The following DGCR8 variants were observed in gnomAD, a reference collection of about 807,000 sequenced individuals.
The protein encoded by DGCR8 is DGCR8 microprocessor complex subunit, also known as microprocessor complex subunit DGCR8.
Under a neutral mutation model 78.5 loss-of-function variants are expected in DGCR8, and 14 were observed. The ratio of observed to expected loss-of-function variants is 0.18; its 90% CI spans 0.12 to 0.28. The LOEUF is 0.28. Among genes scored for constraint, DGCR8 ranks in the 10% least tolerant of loss-of-function variants. The pLI is 1.00. For missense variants in DGCR8, 702 were observed against 1,022.5 expected (o/e 0.69, Z 4.28); for synonymous variants, 399 against 402.4 (o/e 0.99, Z 0.10).
At chr22:20,093,035 G>T in intron 8 of DGCR8, 128 bp downstream of exon 8, 1 of 629,764 alleles carries the variant, frequency 1.6e-6, no homozygotes, top group Non-Finnish European at 2.7e-6. Flanking sequence ...TTTTATTTAT[G>T]TAATCATCTA....
chr22:20,083,374 T>G (rs1015033748), intron 1 of DGCR8, among the ~76,000 whole-genome samples: 17 of 150,846 alleles, frequency 1.1e-4, no homozygotes, highest in Non-Finnish European at 7.4e-5. Context: ...ATGGTGTGTG[T>G]GTGTGTGATG....
Position 20,111,500 on chromosome 22 carries a change from A to T in DGCR8, c.*1392A>T, listed in dbSNP as rs1407457858. The T allele has an allele frequency of 2.5e-6, 1 of 398,058 alleles. No homozygotes were observed. The allele number at this position is 398,058 out of a possible 1,614,324, so 24.7% of individuals were successfully genotyped here. On this transcript the variant is annotated 3_prime_UTR_variant, in exon 14 of 14. Coordinates refer to ENST00000351989, the MANE Select transcript of DGCR8 (RefSeq NM_022720.7). The stretch of plus-strand genomic sequence containing the variant: ...AGAAACCCTCAACTCAAATTGCTAT[A>T]ATTAGACACTTGCTTCTGTCTTGCC...
chr22:20,104,458 C>T (rs370660542), intron 9 of DGCR8, among the ~76,000 whole-genome samples: 4 of 152,146 alleles, frequency 2.6e-5, no homozygotes, highest in Non-Finnish European at 4.4e-5. Flanking sequence ...TGAGCCACCG[C>T]GCCCGGCTGG....
At chr22:20,090,377 C>A in intron 5 of DGCR8, 119 bp downstream of exon 5, 2 of 1,204,446 alleles carry the variant, frequency 1.7e-6, no homozygotes, top group Non-Finnish European at 2.3e-6. Flanking sequence ...GGGCTGTGCA[C>A]CTCCACTGTT....
chr22:20,109,926 T>C, intron 13 of DGCR8, 99 bp from the exon 14 acceptor site: 2 of 1,214,436 alleles, frequency 1.6e-6, no homozygotes, highest in Non-Finnish European at 2.4e-6. Context: ...CTCCAGGGCC[T>C]CCTGGCATGA....
chr22:20,101,923 G>A (rs2049707188), intron 9 of DGCR8: 1 of 985,344 alleles, frequency 1.0e-6, no homozygotes, highest in Non-Finnish European at 1.2e-6. Context: ...AGGTGTGGTG[G>A]CCACGCGTGT....
At chr22:20,101,764 C>T (rs1321780432) in intron 9 of DGCR8, 16 of 985,310 alleles carry the variant, frequency 1.6e-5, no homozygotes, top group Non-Finnish European at 1.8e-5. Context: ...TGTCCCCGCC[C>T]CCTGCTCCTC....
chr22:20,091,985 C>G lies in DGCR8; in HGVS notation c.1606+15C>G. 6.3e-7 allele frequency: 1 copy of G among 1,598,892 alleles called. No individual in the cohort carries two copies. Among genetic ancestry groups the G allele is most frequent in the Non-Finnish European group, 8.6e-7 (1 of 1,168,184 alleles). On this transcript the variant is annotated intron_variant, in intron 7 of 13. Transcript: ENST00000351989. ...CTTTGAATGTGGTAAGTCTAACCTT[C>G]CCCATTTCAGTCCTAAAGAATCACA...
intron 1 of DGCR8, among the ~76,000 whole-genome samples, chr22:20,080,971 G>C (rs2049411491): frequency 6.6e-6 from 1 of 152,168 alleles, no homozygotes. Context: ...GTTCCTGCAC[G>C]GCAGTCCTGT....
chr22:20,107,750 C>T (rs1602498084), intron 12 of DGCR8: 1 of 307,244 alleles, frequency 3.3e-6, no homozygotes, highest in Non-Finnish European at 6.4e-6. Flanking sequence ...AGGGCCAGCT[C>T]TCCCTGCTTG....
At chr22:20,101,420 T>C (rs2147934315) in intron 9 of DGCR8, 1 of 686,692 alleles carries the variant, frequency 1.5e-6, no homozygotes, top group Non-Finnish European at 1.8e-6. Context: ...ACTAAAAACA[T>C]ACAAAAAATT....
At position 20,089,192 on chromosome 22, in the gene DGCR8, C is replaced by T. The variant is rs1034580945; in HGVS notation, c.881-477C>T. Among the ~76,000 whole-genome samples, 3 of 152,188 alleles carry T rather than the reference C, an allele frequency of 2.0e-5. No individual in the cohort carries two copies. The highest frequency in any genetic ancestry group is 4.4e-5 in the Non-Finnish European group (3 of 68,030). On this transcript the variant is annotated intron_variant, in intron 3 of 13. Transcript: ENST00000351989. This position sits in a 1 kb window ranked among gnomAD's most constrained non-coding sequence, Gnocchi z 4.9. ...GTAGTGTATTAAACCAACTTAGAAA[C>T]GGAATCATTTGAAGCAGTGTTTTGT...
chr22:20,094,423 A>C (rs898614369), intron 8 of DGCR8, among the ~76,000 whole-genome samples: 2 of 152,200 alleles, frequency 1.3e-5, no homozygotes, highest in Non-Finnish European at 2.9e-5. Context: ...GTGCCACCGA[A>C]GTGGTTCCCT....
At chr22:20,106,970 C>G (rs967835005) in intron 11 of DGCR8, 25 of 574,486 alleles carry the variant, frequency 4.4e-5, no homozygotes, top group Non-Finnish European at 6.5e-5. Flanking sequence ...GAACAGCCAG[C>G]AGAATCCTGC....
At chr22:20,097,377 A>T (rs1268000640) in intron 9 of DGCR8, among the ~76,000 whole-genome samples, 1 of 152,068 alleles carries the variant, frequency 6.6e-6, no homozygotes, top group Non-Finnish European at 1.5e-5. Flanking sequence ...GAGATTATCT[A>T]TTTCTTCTTG....
intron 12 of DGCR8, 36 bp from the exon 13 acceptor site, chr22:20,108,854 C>A: frequency 8.8e-7 from 1 of 1,136,184 alleles, no homozygotes; most frequent in Non-Finnish European, 1.3e-6. Context: ...AGAGCTACAG[C>A]CTGCAGTCCT....
chr22:20,085,543 G>T lies in DGCR8; in HGVS notation c.-277-144G>T. The T allele has an allele frequency of 1.7e-6, 1 of 573,234 alleles. No individual in the cohort carries two copies. Among genetic ancestry groups the T allele is most frequent in the Non-Finnish European group, 2.6e-6 (1 of 387,516 alleles). The allele number at this position is 573,234 out of a possible 1,614,324, so 35.5% of individuals were successfully genotyped here. On this transcript the variant is annotated intron_variant, in intron 1 of 13. Coordinates refer to ENST00000351989, the MANE Select transcript of DGCR8 (RefSeq NM_022720.7). This position sits in a 1 kb window ranked among gnomAD's most constrained non-coding sequence, Gnocchi z 6.2. ...TGAAGAATAAAAGTAAGGTTAGTTT[G>T]TTTTGATGCCTAAAAAGTCCTCTTA...
At chr22:20,107,466 G>A (rs1602497820) in intron 12 of DGCR8, 68 bp downstream of exon 12, 1 of 1,591,912 alleles carries the variant, frequency 6.3e-7, no homozygotes, top group South Asian at 1.1e-5. Context: ...CTGAGGCTCT[G>A]TGCTCAGAGG....
intron 9 of DGCR8, 82 bp downstream of exon 9, chr22:20,094,877 C>A: frequency 8.0e-7 from 1 of 1,257,716 alleles, no homozygotes; most frequent in Non-Finnish European, 1.2e-6. Context: ...TGGGGGTGTC[C>A]GTGGGCTGTG....
Sources: gnomAD v4.1 joint callset for allele counts (sites outside exome capture counted in the v4.1 genomes callset) on GRCh38, gnomAD v4.1.1 for gene constraint, Gnocchi (gnomAD v3.1) non-coding constraint, MANE v1.5 for transcripts, NCBI Gene and HGNC (gene_info 2026-07-23, HGNC 2026-07-21) for gene names.